The following APAF1 variants were observed in gnomAD, a reference collection of about 807,000 sequenced individuals.
APAF1 encodes the protein apoptotic protease-activating factor 1.
APAF1 carries 91 observed loss-of-function variants against 152.4 expected under a neutral mutation model. That is an observed-to-expected ratio of 0.60 (90% CI 0.50 to 0.71). APAF1 has a LOEUF of 0.71. Among genes scored for constraint, APAF1 ranks in the 30% least tolerant of loss-of-function variants. The pLI, the probability that APAF1 is intolerant of heterozygous loss-of-function variation, is 0.00. For synonymous variants in APAF1, 484 were observed against 494.1 expected (o/e 0.98, Z 0.27); for missense variants, 1,283 against 1,472.0 (o/e 0.87, Z 2.10).
At chr12:98,676,206 C>T (rs929602799) in intron 12 of APAF1, among the ~76,000 whole-genome samples, 1 of 152,076 alleles carries the variant, frequency 6.6e-6, no homozygotes, top group Non-Finnish European at 1.5e-5. Context: ...CATTCCTTTA[C>T]ACCTTATTAT....
At chr12:98,692,904 C>G (rs1271461217) in intron 16 of APAF1, among the ~76,000 whole-genome samples, 1 of 151,680 alleles carries the variant, frequency 6.6e-6, no homozygotes, top group African/African-American at 2.4e-5. Flanking sequence ...GGGTGTATAC[C>G]CAGTAATGGG....
intron 22 of APAF1, among the ~76,000 whole-genome samples, chr12:98,720,177 A>G (rs995326568): frequency 6.6e-6 from 1 of 152,234 alleles, no homozygotes; most frequent in African/African-American, 2.4e-5. Context: ...TTTTATGACC[A>G]GCTTGACGAT....
intron 4 of APAF1, among the ~76,000 whole-genome samples, chr12:98,651,261 C>T (rs1017321537): frequency 2.6e-5 from 4 of 152,148 alleles, no homozygotes; most frequent in African/African-American, 9.7e-5. Context: ...ATTTCCATTT[C>T]AAAATTTCCT....
At chr12:98,662,359 A>G in intron 5 of APAF1, 97 bp from the exon 6 acceptor site, 8 of 910,734 alleles carry the variant, frequency 8.8e-6, no homozygotes, top group South Asian at 4.5e-5. Context: ...AAAAAAATTT[A>G]ATTTGGTAGA....
chr12:98,710,179 G>GTTTTTTTTTTTT (rs71443529), intron 20 of APAF1, among the ~76,000 whole-genome samples: 35 of 127,726 alleles, frequency 2.7e-4, no homozygotes, highest in Non-Finnish European at 3.4e-4. Context: ...CGGCCTAAGG[G>GTTTTTTTTTTTT]TTTTTTTTTT....
At chr12:98,677,171 C>T (rs184075036) in intron 12 of APAF1, among the ~76,000 whole-genome samples, 2 of 152,292 alleles carry the variant, frequency 1.3e-5, no homozygotes, top group Admixed American at 1.3e-4. Flanking sequence ...TAGATTTCTT[C>T]CAACTCAGTG....
chr12:98,695,707 C>T (rs147306238), intron 16 of APAF1, among the ~76,000 whole-genome samples: 360 of 152,336 alleles, frequency 2.4e-3, no homozygotes, highest in African/African-American at 7.9e-3. Context: ...AGAGTAGGGA[C>T]ACAGGCCCCC....
intron 16 of APAF1, among the ~76,000 whole-genome samples, chr12:98,697,377 A>C (rs1456548247): frequency 6.6e-6 from 1 of 152,148 alleles, no homozygotes; most frequent in Non-Finnish European, 1.5e-5. Context: ...TGGCCTGTCA[A>C]CTCATTGAGG....
intron 21 of APAF1, chr12:98,712,757 T>C: frequency 3.4e-6 from 1 of 290,228 alleles, no homozygotes. Context: ...TAAGCGATTG[T>C]CCGGCCTCAG....
rs942947636 is a variant in APAF1, at chr12:98,662,667, G to C, written c.824-8G>C. 8.7e-6 allele frequency: 14 copies of C among 1,612,794 alleles called. No individual in the cohort carries two copies. The African/African-American group carries it at 1.5e-4, about 17-fold the overall frequency. ...TTACTTACTTTGTCTTGTGATTTTT[G>C]TTTGCAGGTCCTAAATATGTAGTCC... On this transcript the variant is annotated splice_polypyrimidine_tract_variant and splice_region_variant and intron_variant, in intron 6 of 26. Coordinates refer to ENST00000551964, the MANE Select transcript of APAF1 (RefSeq NM_181861.2).
rs187907500 is a variant in APAF1, at chr12:98,705,387, T to C, written c.2596-1098T>C. 6.0e-4 allele frequency among the ~76,000 whole-genome samples: 92 copies of C among 152,250 alleles called. 1 individual carries two copies. The highest frequency in any genetic ancestry group is 1.7e-3 in the African/African-American group (71 of 41,556). Reference sequence around the variant, plus strand: ...TCAGTTTCTTAGGAGAGATTTTCAGTTGTGGAACCACTTTCATTTTTGGCC... The same window carrying C: ...TCAGTTTCTTAGGAGAGATTTTCAGCTGTGGAACCACTTTCATTTTTGGCC... On this transcript the variant is annotated intron_variant, in intron 18 of 26. Coordinates refer to ENST00000551964, the MANE Select transcript of APAF1 (RefSeq NM_181861.2).
Position 98,659,226 on chromosome 12 carries a change from A to G in APAF1, c.593A>G (p.Lys198Arg), listed in dbSNP as rs573202813. ...CAAGACAAATCTGGGCTTCTGATGA[A>G]ACTGCAGAATCTTTGCACACGGTTG... Reference protein sequence around the residue: ...GKQDKSGLLMKLQNLCTRLDQ... With the variant: ...GKQDKSGLLMRLQNLCTRLDQ... The change falls in exon 5 of 27, where the codon AAA becomes AGA. Residue 198 changes from lysine to arginine, a missense_variant. Transcript: ENST00000551964. 1 of 1,614,220 alleles carries G rather than the reference A, an allele frequency of 6.2e-7. No individual in the cohort carries two copies. The highest frequency in any genetic ancestry group is 8.5e-7 in the Non-Finnish European group (1 of 1,180,044).
chr12:98,688,150 A>C (rs1350309406), intron 16 of APAF1, among the ~76,000 whole-genome samples: 1 of 152,202 alleles, frequency 6.6e-6, no homozygotes, highest in African/African-American at 2.4e-5. Flanking sequence ...AGCCTTCTGA[A>C]ATTTATAGGC....
rs199967440 is a variant in APAF1, at chr12:98,664,541, C to CT, written c.956-1002dup. Among the ~76,000 whole-genome samples the CT allele has an allele frequency of 4.0e-3, 585 of 146,434 alleles. 3 individuals carry two copies. The highest frequency in any genetic ancestry group is 0.033 in the East Asian group (162 of 4,960). Reference sequence around the variant, plus strand: ...TGTATATGTGGTTTTGGATTTTGCCCTTTTTTTTTTAAAGAGCCAGGGTCT... The same window carrying CT: ...TGTATATGTGGTTTTGGATTTTGCCCTTTTTTTTTTTAAAGAGCCAGGGTCT... On this transcript the variant is annotated intron_variant, in intron 7 of 26. Coordinates refer to ENST00000551964, the MANE Select transcript of APAF1 (RefSeq NM_181861.2).
chr12:98,685,157 CTTCTGGGTTTAATCTTA>C (rs2097696659), intron 15 of APAF1, among the ~76,000 whole-genome samples: 1 of 152,156 alleles, frequency 6.6e-6, no homozygotes, highest in Non-Finnish European at 1.5e-5. Flanking sequence ...TTGATTTCTT[CTTCTGGGTTTAATCTTA>C]TTAGCATAAA....
chr12:98,665,763 T>C lies in APAF1; in HGVS notation c.1166T>C (p.Leu389Pro). Reference sequence around the variant, plus strand: ...GATTATTACACAGATCTTTCCATCCTTCAGAAGGACGTTAAGGTGCCTACA... The same window carrying C: ...GATTATTACACAGATCTTTCCATCCCTCAGAAGGACGTTAAGGTGCCTACA... Reference protein sequence around the residue: ...IKDYYTDLSILQKDVKVPTKV... With the variant: ...IKDYYTDLSIPQKDVKVPTKV... Residue 389 changes from leucine to proline, a missense_variant, in exon 8 of 27, where the codon CTT becomes CCT. Leu to Pro is a moderately conservative substitution (Grantham distance 98, BLOSUM62 -3). Coordinates refer to ENST00000551964, the MANE Select transcript of APAF1 (RefSeq NM_181861.2). 3 of 1,613,888 alleles carry C rather than the reference T, an allele frequency of 1.9e-6. No individual in the cohort carries two copies. The highest frequency in any genetic ancestry group is 2.5e-6 in the Non-Finnish European group (3 of 1,179,784).
In APAF1 at chr12:98,671,685, G is replaced by A; in HGVS notation, c.1759G>A (p.Glu587Lys). 1 of 1,614,104 alleles carries A rather than the reference G, an allele frequency of 6.2e-7. No homozygotes were observed. Among genetic ancestry groups the A allele is most frequent in the Non-Finnish European group, 8.5e-7 (1 of 1,180,020 alleles). The change falls in exon 12 of 27, where the codon GAG (glutamate) becomes AAG (lysine). Residue 587 changes from glutamate to lysine, a missense_variant. Transcript: ENST00000551964. The part of the protein sequence containing the change: ...YQQAKLQAKQ[E>K]VDNGMLYLEW... Reference sequence around the variant, plus strand: ...GCAAGCTAAGCTGCAGGCCAAGCAGGAGGTCGATAATGGAATGCTTTACCT... The same window carrying A: ...GCAAGCTAAGCTGCAGGCCAAGCAGAAGGTCGATAATGGAATGCTTTACCT...
At chr12:98,714,793 C>G (rs2097731997) in intron 21 of APAF1, among the ~76,000 whole-genome samples, 1 of 149,898 alleles carries the variant, frequency 6.7e-6, no homozygotes, top group Non-Finnish European at 1.5e-5. Context: ...AAACATATTT[C>G]CTCTCTTTTT....
Position 98,735,046 on chromosome 12 carries a change from G to T in APAF1, c.*2480G>T. 2.5e-6 allele frequency: 1 copy of T among 393,154 alleles called. No homozygotes were observed. The highest frequency in any genetic ancestry group is 1.4e-4 in the South Asian group (1 of 7,214). The allele number at this position is 393,154 out of a possible 1,614,324, so 24.4% of individuals were successfully genotyped here. ...GAGGATTCCTTGAGCCCTGGAGTTT[G>T]AGTCCAGCCTGGGTGACATAGCAAG... On this transcript the variant is annotated 3_prime_UTR_variant, in exon 27 of 27. Coordinates refer to ENST00000551964, the MANE Select transcript of APAF1 (RefSeq NM_181861.2).
Sources: allele counts gnomAD v4.1 joint callset (sites outside exome capture counted in the v4.1 genomes callset), GRCh38; gene constraint gnomAD v4.1.1; transcripts MANE v1.5; gene names NCBI Gene and HGNC (gene_info 2026-07-23, HGNC 2026-07-21).